The following GAN variants were observed in gnomAD, a reference collection of about 807,000 sequenced individuals.
GAN encodes the protein gigaxonin.
A neutral mutation model predicts 71.3 loss-of-function variants in GAN; 48 were observed. That is an observed-to-expected ratio of 0.67 (90% CI 0.53 to 0.86). GAN has a LOEUF of 0.86. Ranked by LOEUF, GAN falls within the 40% of genes least tolerant of loss-of-function variation. The pLI is 0.00. For synonymous variants in GAN, 386 were observed against 276.8 expected (o/e 1.39, Z -3.92); for missense variants, 928 against 770.1 (o/e 1.21, Z -2.43).
At chr16:81,372,534 A>C (rs1011577101) in intron 9 of GAN, among the ~76,000 whole-genome samples, 1 of 152,194 alleles carries the variant, frequency 6.6e-6, no homozygotes, top group Non-Finnish European at 1.5e-5. Context: ...TAAATTTTCA[A>C]ATTAGTTCTG....
chr16:81,377,518 C>T lies in GAN; in HGVS notation c.1716C>T (p.Ala572=). The change falls in exon 11 of 11, where the codon GCC becomes GCT. Residue 572 remains alanine, a synonymous_variant. Transcript: ENST00000648994. ...PSDLRRTGCA[A]LRIANCKLFR... is the part of the protein sequence containing the mutation. ...ACCTTCGCCGTACAGGATGTGCAGCCTTACGCATTGCGAATTGCAAGCTTT... is the reference window on the plus strand; with the variant it reads ...ACCTTCGCCGTACAGGATGTGCAGCTTTACGCATTGCGAATTGCAAGCTTT... 2 of 1,614,134 alleles carry T rather than the reference C, an allele frequency of 1.2e-6. No homozygotes were observed. The highest frequency in any genetic ancestry group is 1.7e-6 in the Non-Finnish European group (2 of 1,179,952).
At chr16:81,351,061 A>T (rs567565379) in intron 1 of GAN, among the ~76,000 whole-genome samples, 2 of 152,244 alleles carry the variant, frequency 1.3e-5, no homozygotes, top group Non-Finnish European at 2.9e-5. Flanking sequence ...AATTTAAAAT[A>T]TATATTTCAC....
At chr16:81,372,854 A>G (rs531973628) in intron 9 of GAN, among the ~76,000 whole-genome samples, 1 of 152,318 alleles carries the variant, frequency 6.6e-6, no homozygotes, top group African/African-American at 2.4e-5. Flanking sequence ...CAGGGCCTCC[A>G]TTTTCACTTT....
rs1904535428 is a variant in GAN, at chr16:81,390,698, G to A, written c.*13102G>A. The A allele has an allele frequency of 6.6e-6, 1 of 152,164 alleles. No individual in the cohort carries two copies. Among genetic ancestry groups the A allele is most frequent in the Admixed American group, 6.5e-5 (1 of 15,278 alleles). 9.4% of individuals were successfully genotyped at this position (152,164 alleles called of 1,614,324 possible). A position where few individuals can be genotyped will look rare whatever the true frequency, so the allele number is the denominator to read the frequency against. ...GTATGCTAAAGTAATTTTGTTTTATGTATTGGAAGTTCACTTAAAAACTTG... is the reference window on the plus strand; with the variant it reads ...GTATGCTAAAGTAATTTTGTTTTATATATTGGAAGTTCACTTAAAAACTTG... On this transcript the variant is annotated 3_prime_UTR_variant, in exon 11 of 11. Coordinates refer to ENST00000648994, the MANE Select transcript of GAN (RefSeq NM_022041.4).
At chr16:81,375,126 A>G (rs761718135) in intron 9 of GAN, among the ~76,000 whole-genome samples, 1 of 152,168 alleles carries the variant, frequency 6.6e-6, no homozygotes, top group African/African-American at 2.4e-5. Context: ...CATCAAAATT[A>G]AAAACTTCTG....
rs778175591 is a variant in GAN at position 81,351,711 on chromosome 16, CAAAG to C, written c.282+15_282+18del. ...TTCAGTGGGCAGGTATGATGAGAAA[CAAAG>C]GAAGGAAGACCTAAGTAGAGGCTTC... is the stretch of plus-strand genomic sequence containing the variant. On this transcript the variant is annotated intron_variant, in intron 2 of 10. Transcript: ENST00000648994. The C allele has an allele frequency of 4.9e-5, 59 of 1,209,086 alleles. No homozygotes were observed. Among genetic ancestry groups the C allele is most frequent in the Middle Eastern group, 1.9e-4 (1 of 5,312 alleles). The allele number at this position is 1,209,086 out of a possible 1,614,324, so 74.9% of individuals were successfully genotyped here. A position where few individuals can be genotyped will look rare whatever the true frequency, so the allele number is the denominator to read the frequency against.
chr16:81,358,541 C>G (rs763354393), intron 5 of GAN, among the ~76,000 whole-genome samples: 1 of 150,972 alleles, frequency 6.6e-6, no homozygotes, highest in Non-Finnish European at 1.5e-5. Flanking sequence ...CCCAGGAGAT[C>G]GAGACTGCTG....
intron 2 of GAN, among the ~76,000 whole-genome samples, chr16:81,353,084 G>T (rs540196219): frequency 6.6e-6 from 1 of 152,166 alleles, no homozygotes; most frequent in Non-Finnish European, 1.5e-5. Flanking sequence ...GAGGTCAGGA[G>T]ATCGAGACCA....
At chr16:81,326,811 C>T (rs1909405518) in intron 1 of GAN, among the ~76,000 whole-genome samples, 1 of 152,148 alleles carries the variant, frequency 6.6e-6, no homozygotes, top group Non-Finnish European at 1.5e-5. Flanking sequence ...CATAGAAAAG[C>T]CACAGCAAAA....
chr16:81,344,353 A>G (rs1476275043), intron 1 of GAN, among the ~76,000 whole-genome samples: 5 of 152,208 alleles, frequency 3.3e-5, no homozygotes, highest in Non-Finnish European at 7.3e-5. Flanking sequence ...GCATCACGCT[A>G]CCTGACTTCA....
rs145086634 is a variant in GAN, at chr16:81,367,834, C to T, written c.1502+2356C>T. Among the ~76,000 whole-genome samples the T allele has an allele frequency of 6.2e-3, 943 of 152,272 alleles. 13 individuals are homozygous for T. In the Middle Eastern group the frequency reaches 0.071, roughly 12 times the overall value. On this transcript the variant is annotated intron_variant, in intron 9 of 10. Coordinates refer to ENST00000648994, the MANE Select transcript of GAN (RefSeq NM_022041.4). ...AGCTGAGGTGGGATCTGAACTCAGG[C>T]GTTCTGGCCCCAGAGTCCACCTTTT...
intron 1 of GAN, among the ~76,000 whole-genome samples, chr16:81,349,441 C>G (rs1349229252): frequency 6.6e-6 from 1 of 151,962 alleles, no homozygotes; most frequent in Non-Finnish European, 1.5e-5. Flanking sequence ...TTTAGGAGTT[C>G]GAAACCAGCC....
chr16:81,351,392 G>A (rs1910294311), intron 1 of GAN, among the ~76,000 whole-genome samples, 191 bp from the exon 2 acceptor site: 1 of 152,030 alleles, frequency 6.6e-6, no homozygotes, highest in Non-Finnish European at 1.5e-5. Flanking sequence ...GTAGCATTTG[G>A]GATCCTGGGA....
rs752538778 is a variant in GAN at position 81,354,700 on chromosome 16, G to A, written c.578G>A (p.Arg193Lys). 5.0e-6 allele frequency: 8 copies of A among 1,613,310 alleles called. No homozygotes were observed. The highest frequency in any genetic ancestry group is 1.1e-5 in the South Asian group (1 of 91,060). The change falls in exon 3 of 11, where the codon AGA becomes AAA. Residue 193 changes from arginine to lysine, a missense_variant. By Grantham distance (26) the Arg-to-Lys change is conservative. Coordinates refer to ENST00000648994, the MANE Select transcript of GAN (RefSeq NM_022041.4). The part of the protein sequence containing the change: ...SLEKLNVGNE[R>K]YVFEAVIRWI... Reference sequence around the variant, plus strand: ...GAGAAGTTAAACGTTGGCAATGAAAGATATGTCTTTGAAGCAGTAATTCGA... The same window carrying A: ...GAGAAGTTAAACGTTGGCAATGAAAAATATGTCTTTGAAGCAGTAATTCGA...
At chr16:81,349,529 G>A (rs577396327) in intron 1 of GAN, among the ~76,000 whole-genome samples, 3 of 152,014 alleles carry the variant, frequency 2.0e-5, no homozygotes, top group South Asian at 2.1e-4. Flanking sequence ...CTGTAGTTCC[G>A]GCTACTTGGG....
chr16:81,376,561 A>G (rs1904281183), intron 9 of GAN, among the ~76,000 whole-genome samples: 2 of 147,064 alleles, frequency 1.4e-5, no homozygotes, highest in African/African-American at 5.3e-5. Flanking sequence ...ACATATACAT[A>G]TATATGTGTA....
intron 8 of GAN, 118 bp from the exon 9 acceptor site, chr16:81,365,232 C>A: frequency 6.4e-7 from 1 of 1,569,734 alleles, no homozygotes; most frequent in African/African-American, 1.4e-5. Context: ...TTGGCATTTC[C>A]TGAGAAAGGA....
intron 1 of GAN, among the ~76,000 whole-genome samples, chr16:81,315,909 C>T (rs1390112458): frequency 6.6e-6 from 1 of 152,276 alleles, no homozygotes; most frequent in South Asian, 2.1e-4. Context: ...CCTTGCCAAA[C>T]GTGTCTTTTC....
chr16:81,363,647 C>T, intron 6 of GAN, 147 bp from the exon 7 acceptor site: 1 of 772,650 alleles, frequency 1.3e-6, no homozygotes, highest in Non-Finnish European at 2.3e-6. Context: ...TCAGCCCTTG[C>T]TCCTCTCCCT....
Sources: gnomAD v4.1 joint callset for allele counts (sites outside exome capture counted in the v4.1 genomes callset) on GRCh38, gnomAD v4.1.1 for gene constraint, MANE v1.5 for transcripts, NCBI Gene and HGNC (gene_info 2026-07-23, HGNC 2026-07-21) for gene names.